The following TRPM3 variants were observed in gnomAD, a reference collection of about 807,000 sequenced individuals.
The protein encoded by TRPM3 is transient receptor potential cation channel subfamily M member 3.
TRPM3 carries 77 observed loss-of-function variants against 181.2 expected under a neutral mutation model. That is an observed-to-expected ratio of 0.42 (90% CI 0.35 to 0.51). The LOEUF is 0.51. Among genes scored for constraint, TRPM3 ranks in the 20% least tolerant of loss-of-function variants. The probability of loss-of-function intolerance (pLI) is 0.01; values close to 1 mark genes in which losing one functional copy is unlikely to be tolerated. For synonymous variants in TRPM3, 745 were observed against 796.4 expected (o/e 0.94, Z 1.09); for missense variants, 1,759 against 2,196.7 (o/e 0.80, Z 3.98).
At chr9:70,994,981 T>C (rs1357686054) in intron 1 of TRPM3, among the ~76,000 whole-genome samples, 1 of 152,214 alleles carries the variant, frequency 6.6e-6, no homozygotes, top group Non-Finnish European at 1.5e-5. Context: ...AGATGATTCA[T>C]TGGATCCATG....
intron 6 of TRPM3, among the ~76,000 whole-genome samples, chr9:70,795,198 T>G (rs561126164): frequency 1.3e-5 from 2 of 152,294 alleles, no homozygotes; most frequent in East Asian, 3.9e-4. Context: ...CCATGGACAT[T>G]GAGGGGTGTT....
At chr9:71,050,791 A>T (rs1293496372) in intron 1 of TRPM3, among the ~76,000 whole-genome samples, 8 of 152,218 alleles carry the variant, frequency 5.3e-5, no homozygotes, top group African/African-American at 1.7e-4. Context: ...AACTAACAGT[A>T]ATCACAGCCC....
intron 1 of TRPM3, among the ~76,000 whole-genome samples, chr9:71,393,252 G>C (rs1237479507): frequency 6.6e-6 from 1 of 152,172 alleles, no homozygotes; most frequent in Non-Finnish European, 1.5e-5. Flanking sequence ...TAGAACGGAA[G>C]TTTGAGAACA....
chr9:70,962,433 T>G (rs2097145454), intron 1 of TRPM3, among the ~76,000 whole-genome samples: 1 of 152,150 alleles, frequency 6.6e-6, no homozygotes, highest in Admixed American at 6.6e-5. Context: ...ACTCCATTTC[T>G]TAGTGGTTGA....
At chr9:71,411,836 G>A (rs955349018) in intron 1 of TRPM3, among the ~76,000 whole-genome samples, 8 of 152,196 alleles carry the variant, frequency 5.3e-5, no homozygotes, top group Non-Finnish European at 1.0e-4. Context: ...CATGCTACCT[G>A]ACTTCAAACT....
chr9:71,138,748 T>G (rs1230464572), intron 1 of TRPM3, among the ~76,000 whole-genome samples: 10 of 152,210 alleles, frequency 6.6e-5, no homozygotes, highest in Non-Finnish European at 1.3e-4. Flanking sequence ...ACAGAAATCA[T>G]ATCAGGCTTC....
chr9:71,210,391 C>T (rs1392855336), intron 1 of TRPM3, among the ~76,000 whole-genome samples: 2 of 152,062 alleles, frequency 1.3e-5, no homozygotes, highest in African/African-American at 4.8e-5. Context: ...ATAAAGTACA[C>T]CATAAATGTA....
intron 1 of TRPM3, among the ~76,000 whole-genome samples, chr9:71,361,654 G>C (rs751714394): frequency 6.6e-6 from 1 of 152,090 alleles, no homozygotes; most frequent in Non-Finnish European, 1.5e-5. Context: ...CATATTTATC[G>C]GTAGGGTCCC....
chr9:70,812,792 GA>G (rs201103826), intron 6 of TRPM3, among the ~76,000 whole-genome samples: 4,366 of 151,910 alleles, frequency 0.029, 90 homozygotes, highest in Middle Eastern at 0.058. Context: ...AAACTCTAAT[GA>G]AAAAAAATTA....
intron 1 of TRPM3, among the ~76,000 whole-genome samples, chr9:71,265,270 G>A (rs2083309943): frequency 6.6e-6 from 1 of 152,146 alleles, no homozygotes; most frequent in Non-Finnish European, 1.5e-5. Context: ...ATGCCTAGAT[G>A]TCCCATAGTA....
chr9:71,201,610 T>C (rs1409856516), intron 1 of TRPM3, among the ~76,000 whole-genome samples: 1 of 152,206 alleles, frequency 6.6e-6, no homozygotes, highest in Non-Finnish European at 1.5e-5. Flanking sequence ...CCTTCCCGCT[T>C]CATTTCATTC....
chr9:71,281,879 T>C (rs536913228), intron 1 of TRPM3, among the ~76,000 whole-genome samples: 1 of 152,040 alleles, frequency 6.6e-6, no homozygotes, highest in East Asian at 1.9e-4. Context: ...CTGACCAACA[T>C]GGAGAAACCC....
intron 22 of TRPM3, among the ~76,000 whole-genome samples, chr9:70,553,809 C>G (rs2131876623): frequency 6.6e-6 from 1 of 152,334 alleles, no homozygotes; most frequent in South Asian, 2.1e-4. Context: ...AAGAAACAAC[C>G]TGGGAGCTCC....
chr9:70,544,549 T>A (rs897588381), intron 25 of TRPM3, among the ~76,000 whole-genome samples: 1 of 152,118 alleles, frequency 6.6e-6, no homozygotes, highest in Non-Finnish European at 1.5e-5. Flanking sequence ...CGAAAGACAT[T>A]TTTTGGAGTC....
chr9:71,295,608 T>G (rs4745080), intron 1 of TRPM3, among the ~76,000 whole-genome samples: 1 of 151,590 alleles, frequency 6.6e-6, no homozygotes, highest in Non-Finnish European at 1.5e-5. Flanking sequence ...GGCAGGAGGA[T>G]AGCTTGAGCC....
intron 1 of TRPM3, among the ~76,000 whole-genome samples, chr9:71,273,048 T>C (rs1423511568): frequency 1.3e-5 from 2 of 152,070 alleles, no homozygotes; most frequent in African/African-American, 4.8e-5. Context: ...CTGATTTTTG[T>C]ATTTTTAGTG....
chr9:71,333,861 G>A lies in TRPM3; in HGVS notation c.183+112792C>T, dbSNP rs148142912. On this transcript the variant is annotated intron_variant, in intron 1 of 24. Transcript: ENST00000357533. ...AGCAGTTGGAAATCCAGATTCCAGT[G>A]TGTGAAATCTCCTGTTTCTATTTAA... 8.6e-4 allele frequency among the ~76,000 whole-genome samples: 131 copies of A among 152,038 alleles called. 2 individuals carry two copies. Among genetic ancestry groups the A allele is most frequent in the Admixed American group, 2.9e-3 (45 of 15,260 alleles).
At chr9:71,248,464 T>A (rs529546688) in intron 1 of TRPM3, among the ~76,000 whole-genome samples, 2 of 152,202 alleles carry the variant, frequency 1.3e-5, no homozygotes, top group Non-Finnish European at 2.9e-5. Context: ...CTGGGGATGA[T>A]GGAAGCGAAG....
intron 1 of TRPM3, among the ~76,000 whole-genome samples, chr9:71,351,715 CTATA>C (rs1425535032): frequency 6.6e-6 from 1 of 151,954 alleles, no homozygotes; most frequent in African/African-American, 2.4e-5. Context: ...GTCCAATTTG[CTATA>C]TATATTTGTT....
Sources: gnomAD v4.1 joint callset for allele counts (sites outside exome capture counted in the v4.1 genomes callset) on GRCh38, gnomAD v4.1.1 for gene constraint, MANE v1.5 for transcripts, NCBI Gene and HGNC (gene_info 2026-07-23, HGNC 2026-07-21) for gene names.